The following GUCA1C variants were observed in gnomAD, a reference collection of about 807,000 sequenced individuals.
The protein encoded by GUCA1C is guanylyl cyclase-activating protein 3.
A neutral mutation model predicts 16.2 loss-of-function variants in GUCA1C; 15 were observed. The ratio of observed to expected loss-of-function variants is 0.93; its 90% CI spans 0.62 to 1.43. The LOEUF (loss-of-function observed/expected upper bound fraction) is 1.43. Ranked by LOEUF, GUCA1C falls within the 40% of genes most tolerant of loss-of-function variation. The pLI is 0.00. For synonymous variants in GUCA1C, 78 were observed against 85.4 expected (o/e 0.91, Z 0.48); for missense variants, 275 against 244.8 (o/e 1.12, Z -0.82).
chr3:108,951,470 CAAAG>C (rs1458730550), intron 1 of GUCA1C, among the ~76,000 whole-genome samples: 1 of 151,822 alleles, frequency 6.6e-6, no homozygotes, highest in Non-Finnish European at 1.5e-5. Flanking sequence ...TATAAAAACA[CAAAG>C]AAAAAAAGAA....
At chr3:108,939,266 A>T (rs188206266) in intron 1 of GUCA1C, among the ~76,000 whole-genome samples, 1 of 147,778 alleles carries the variant, frequency 6.8e-6, no homozygotes, top group South Asian at 2.2e-4. Context: ...AGAAAATGGC[A>T]GAATTTGATG....
chr3:108,948,066 T>C (rs924975412), intron 1 of GUCA1C, among the ~76,000 whole-genome samples: 1 of 152,164 alleles, frequency 6.6e-6, no homozygotes, highest in Admixed American at 6.5e-5. Flanking sequence ...TGTTCTATGA[T>C]CCTCAGACTG....
intron 1 of GUCA1C, 82 bp from the exon 2 acceptor site, chr3:108,920,667 A>G (rs984054523): frequency 1.4e-6 from 1 of 734,068 alleles, no homozygotes; most frequent in Admixed American, 2.7e-5. Flanking sequence ...ATTCGTGAGC[A>G]GGGCCTTTAG....
rs560386893 is a variant in GUCA1C, at chr3:108,931,547, A to G, written c.205-10962T>C. 5.3e-5 allele frequency among the ~76,000 whole-genome samples: 8 copies of G among 152,368 alleles called. No homozygotes were observed. The East Asian group carries it at 1.5e-3, about 29-fold the overall frequency. Reference sequence around the variant, plus strand: ...CCAGGCAAGTTAATCTTTACAATTTACAGCCAATTCTTCTGTTCCATTATC... The same window carrying G: ...CCAGGCAAGTTAATCTTTACAATTTGCAGCCAATTCTTCTGTTCCATTATC... On this transcript the variant is annotated intron_variant, in intron 1 of 3. Coordinates refer to ENST00000261047, the MANE Select transcript of GUCA1C (RefSeq NM_005459.4).
At chr3:108,930,011 G>T (rs1430057310) in intron 1 of GUCA1C, among the ~76,000 whole-genome samples, 1 of 152,082 alleles carries the variant, frequency 6.6e-6, no homozygotes, top group East Asian at 1.9e-4. Context: ...TTTCTTATTG[G>T]TAAAACATTT....
At position 108,916,150 on chromosome 3, in the gene GUCA1C, T is replaced by C. The variant is rs1219697985; in HGVS notation, c.419A>G (p.His140Arg). The C allele has an allele frequency of 3.1e-6, 5 of 1,613,298 alleles. No individual in the cohort carries two copies. Among genetic ancestry groups the C allele is most frequent in the African/African-American group, 1.3e-5 (1 of 75,030 alleles). ...SPEEFINLVF[H>R]KIDINNDGEL... The stretch of plus-strand genomic sequence containing the variant: ...ACCATCATTGTTTATATCGATCTTA[T>C]GGAACACCAAGTTGATGAATTCTTC... Residue 140 changes from histidine to arginine, a missense_variant, in exon 3 of 4, where the codon CAT (histidine) becomes CGT (arginine). Physicochemically the swap from His to Arg is conservative, Grantham distance 29 (BLOSUM62 0). Coordinates refer to ENST00000261047, the MANE Select transcript of GUCA1C (RefSeq NM_005459.4).
At chr3:108,953,536 A>G in intron 1 of GUCA1C, 23 bp downstream of exon 1, 1 of 1,475,866 alleles carries the variant, frequency 6.8e-7, no homozygotes, top group Non-Finnish European at 9.5e-7. Context: ...TTTTCAAATG[A>G]AATGAAAAAT....
rs1418192549 is a variant in GUCA1C, at chr3:108,953,663, G to T, written c.100C>A (p.Leu34Met). The change falls in exon 1 of 4, where the codon CTG becomes ATG. Residue 34 changes from leucine (L) to methionine (M), a missense_variant. Leu to Met is a conservative substitution (Grantham distance 15, BLOSUM62 2). Coordinates refer to ENST00000261047, the MANE Select transcript of GUCA1C (RefSeq NM_005459.4). ...RTFMMEYPSG[L>M]QTLHEFKTLL... ...GTCTTAAATTCATGTAGTGTTTGCA[G>T]GCCGGATGGATATTCCATCATAAAT... 1.2e-5 allele frequency: 19 copies of T among 1,611,638 alleles called. No homozygotes were observed. Among genetic ancestry groups the T allele is most frequent in the Non-Finnish European group, 1.6e-5 (19 of 1,177,724 alleles).
At chr3:108,943,008 T>A (rs1946802981) in intron 1 of GUCA1C, among the ~76,000 whole-genome samples, 1 of 152,164 alleles carries the variant, frequency 6.6e-6, no homozygotes, top group Non-Finnish European at 1.5e-5. Flanking sequence ...TAGCAGAAAA[T>A]GAAGCAGGAA....
At chr3:108,952,640 T>A (rs1640281286) in intron 1 of GUCA1C, among the ~76,000 whole-genome samples, 2 of 152,200 alleles carry the variant, frequency 1.3e-5, no homozygotes, top group South Asian at 4.1e-4. Flanking sequence ...CAACCAGTTT[T>A]TTTTTTAATT....
chr3:108,908,585 C>G (rs561569957), intron 3 of GUCA1C, among the ~76,000 whole-genome samples: 1 of 152,280 alleles, frequency 6.6e-6, no homozygotes, highest in Non-Finnish European at 1.5e-5. Context: ...GACAAAATGA[C>G]TACTCACAAG....
chr3:108,909,264 G>T (rs1282624748), intron 3 of GUCA1C, among the ~76,000 whole-genome samples: 2 of 152,108 alleles, frequency 1.3e-5, no homozygotes, highest in African/African-American at 4.8e-5. Context: ...TTTATGTTTT[G>T]CTTATGCCAA....
chr3:108,950,238 G>A (rs1946884791), intron 1 of GUCA1C, among the ~76,000 whole-genome samples: 1 of 152,140 alleles, frequency 6.6e-6, no homozygotes, highest in African/African-American at 2.4e-5. Context: ...TTTTTTTAAG[G>A]CTGAATAGTA....
At chr3:108,910,701 G>A (rs145345681) in intron 3 of GUCA1C, among the ~76,000 whole-genome samples, 1 of 151,376 alleles carries the variant, frequency 6.6e-6, no homozygotes, top group East Asian at 2.0e-4. Flanking sequence ...CCAGGCTGGA[G>A]TGCAGTGGGG....
intron 1 of GUCA1C, among the ~76,000 whole-genome samples, chr3:108,949,407 A>G (rs1385706528): frequency 6.6e-6 from 1 of 152,204 alleles, no homozygotes; most frequent in Admixed American, 6.5e-5. Flanking sequence ...AAGGTCCAGC[A>G]AAGCTGCCAG....
chr3:108,916,179 A>G lies in GUCA1C; in HGVS notation c.390T>C (p.Ser130=), dbSNP rs767842612. The change falls in exon 3 of 4, where the codon AGT becomes AGC. Residue 130 remains serine, a synonymous_variant. Coordinates refer to ENST00000261047, the MANE Select transcript of GUCA1C (RefSeq NM_005459.4). ...ACACCAAGTTGATGAATTCTTCAGGACTCAGAGTTTGCTGGCCATTGAGGG... is the reference window on the plus strand; with the variant it reads ...ACACCAAGTTGATGAATTCTTCAGGGCTCAGAGTTTGCTGGCCATTGAGGG... The part of the protein sequence containing the change: ...VQALNGQQTL[S]PEEFINLVFH... 9 of 1,613,812 alleles carry G rather than the reference A, an allele frequency of 5.6e-6. No homozygotes were observed. The East Asian group carries it at 2.0e-4, about 36-fold the overall frequency.
chr3:108,922,503 T>C (rs1306935961), intron 1 of GUCA1C, among the ~76,000 whole-genome samples: 3 of 152,118 alleles, frequency 2.0e-5, no homozygotes, highest in African/African-American at 7.2e-5. Context: ...CAACATTTGT[T>C]GTTTTTTTTA....
At chr3:108,943,371 G>A (rs926069960) in intron 1 of GUCA1C, among the ~76,000 whole-genome samples, 3 of 152,210 alleles carry the variant, frequency 2.0e-5, no homozygotes, top group African/African-American at 7.2e-5. Flanking sequence ...CCTGCACCTA[G>A]CGTAGACTGG....
At chr3:108,920,937 A>C (rs1946564360) in intron 1 of GUCA1C, among the ~76,000 whole-genome samples, 1 of 152,162 alleles carries the variant, frequency 6.6e-6, no homozygotes, top group South Asian at 2.1e-4. Context: ...ACCTACACTG[A>C]CACATCATCA....
Sources: gnomAD v4.1 joint callset for allele counts (sites outside exome capture counted in the v4.1 genomes callset) on GRCh38, gnomAD v4.1.1 for gene constraint, MANE v1.5 for transcripts, NCBI Gene and HGNC (gene_info 2026-07-23, HGNC 2026-07-21) for gene names.